VWA8: variants seen among roughly 807,000 people sequenced by gnomAD.
VWA8 encodes the protein von Willebrand factor A domain containing 8.
A neutral mutation model predicts 241.5 loss-of-function variants in VWA8; 221 were observed. The observed-to-expected ratio is 0.91, with a 90% CI of 0.82 to 1.02. The LOEUF is 1.02. VWA8 is among the 50% of genes least tolerant of loss of function. VWA8 has a pLI of 0.00. For missense variants in VWA8, 2,322 were observed against 2,328.7 expected, an observed-to-expected ratio of 1.00 and a Z score of 0.06; for synonymous variants, 852 against 827.1, an observed-to-expected ratio of 1.03 and a Z score of -0.52.
intron 39 of VWA8, among the ~76,000 whole-genome samples, chr13:41,611,044 C>G (rs901065379): frequency 5.3e-5 from 8 of 152,150 alleles, no homozygotes; most frequent in Admixed American, 1.3e-4. Flanking sequence ...TCATCCTGCC[C>G]TGGTGCCTCT....
chr13:41,685,516 C>T (rs2045130487), intron 34 of VWA8, among the ~76,000 whole-genome samples: 1 of 152,040 alleles, frequency 6.6e-6, no homozygotes, highest in African/African-American at 2.4e-5. Flanking sequence ...ATCAGCCAGA[C>T]ATCGTGGCAC....
At chr13:41,625,932 G>C (rs1446171537) in intron 37 of VWA8, among the ~76,000 whole-genome samples, 1 of 151,736 alleles carries the variant, frequency 6.6e-6, no homozygotes, top group Non-Finnish European at 1.5e-5. Flanking sequence ...GTCCTTTGTA[G>C]GGACGTGGAT....
intron 2 of VWA8, among the ~76,000 whole-genome samples, chr13:41,913,497 C>T (rs1876108751): frequency 1.3e-5 from 2 of 152,270 alleles, no homozygotes; most frequent in South Asian, 4.1e-4. Context: ...ACTGAGGTCA[C>T]GGATTAGTTC....
chr13:41,829,791 G>A (rs550657107), intron 14 of VWA8, among the ~76,000 whole-genome samples: 1 of 152,198 alleles, frequency 6.6e-6, no homozygotes, highest in African/African-American at 2.4e-5. Context: ...GGGCAGGGAA[G>A]CTTGTGGGGG....
intron 44 of VWA8, among the ~76,000 whole-genome samples, chr13:41,568,698 G>A (rs945891227): frequency 6.6e-6 from 1 of 152,138 alleles, no homozygotes; most frequent in African/African-American, 2.4e-5. Context: ...ACTGTATTTC[G>A]AAGTGCTTTT....
Position 41,943,401 on chromosome 13 carries a change from A to G in VWA8, c.241+6535T>C, listed in dbSNP as rs189330821. Among the ~76,000 whole-genome samples the G allele has an allele frequency of 3.3e-5, 5 of 152,334 alleles. No individual in the cohort carries two copies. The East Asian group carries it at 9.6e-4, about 29-fold the overall frequency. On this transcript the variant is annotated intron_variant, in intron 2 of 44. Transcript: ENST00000379310. ...TTAGAAGCAGAGATGTAATAGACCTATCCTTTTAAAACAAAGCAGAATTAT... is the reference window on the plus strand; with the variant it reads ...TTAGAAGCAGAGATGTAATAGACCTGTCCTTTTAAAACAAAGCAGAATTAT...
intron 37 of VWA8, among the ~76,000 whole-genome samples, chr13:41,660,463 C>T (rs1445578932): frequency 6.6e-6 from 1 of 152,180 alleles, no homozygotes; most frequent in Admixed American, 6.5e-5. Flanking sequence ...TTCCTCTAAA[C>T]ACTCCACAGT....
rs558605464 is a variant in VWA8, at chr13:41,691,780, C to T, written c.3740+94G>A. ...TATTAAAACATTCATAATTTGGTTA[C>T]ATTCACTTTATAGTAAACAAGTATA... is the stretch of plus-strand genomic sequence containing the variant. On this transcript the variant is annotated intron_variant, in intron 31 of 44. Transcript: ENST00000379310. 30 of 1,014,308 alleles carry T rather than the reference C, an allele frequency of 3.0e-5. No homozygotes were observed. In the African/African-American group the frequency reaches 4.4e-4, roughly 15 times the overall value. 62.8% of individuals were successfully genotyped at this position (1,014,308 alleles called of 1,614,324 possible).
intron 13 of VWA8, among the ~76,000 whole-genome samples, chr13:41,831,137 C>A (rs1871435349): frequency 6.6e-6 from 1 of 152,150 alleles, no homozygotes; most frequent in African/African-American, 2.4e-5. Context: ...CCTAACCATC[C>A]ACATCACACA....
At chr13:41,950,455 G>A (rs1450637416) in intron 1 of VWA8, among the ~76,000 whole-genome samples, 30 of 151,784 alleles carry the variant, frequency 2.0e-4, no homozygotes, top group African/African-American at 4.4e-4. Context: ...TGCAAGCTCC[G>A]CCTCCCGGGT....
intron 2 of VWA8, among the ~76,000 whole-genome samples, chr13:41,938,164 A>G (rs960098209): frequency 2.1e-5 from 3 of 141,008 alleles, no homozygotes; most frequent in Non-Finnish European, 4.5e-5. Flanking sequence ...GTCTCTTTCA[A>G]AAAAAAAAAA....
chr13:41,632,514 C>G (rs2139675273), intron 37 of VWA8, among the ~76,000 whole-genome samples: 1 of 152,266 alleles, frequency 6.6e-6, no homozygotes. Flanking sequence ...GGGATGCTAG[C>G]TGAATTAGTG....
intron 37 of VWA8, among the ~76,000 whole-genome samples, chr13:41,619,345 T>A (rs375532926): frequency 1.3e-5 from 2 of 152,190 alleles, no homozygotes; most frequent in Admixed American, 1.3e-4. Context: ...GCTGAAGTTG[T>A]TTATCAGCTT....
chr13:41,763,308 A>AATAC (rs1555332023), intron 20 of VWA8, among the ~76,000 whole-genome samples: 6 of 145,774 alleles, frequency 4.1e-5, no homozygotes, highest in Non-Finnish European at 9.2e-5. Flanking sequence ...TAAATAAATA[A>AATAC]ATAGATAGAT....
chr13:41,713,892 C>G (rs528655621), intron 26 of VWA8, among the ~76,000 whole-genome samples: 1 of 152,158 alleles, frequency 6.6e-6, no homozygotes, highest in South Asian at 2.1e-4. Context: ...TGATAACTTT[C>G]TTTCCAACAA....
chr13:41,829,665 T>C (rs1270548814), intron 14 of VWA8, among the ~76,000 whole-genome samples: 1 of 152,190 alleles, frequency 6.6e-6, no homozygotes, highest in Non-Finnish European at 1.5e-5. Context: ...GCCATTATTC[T>C]AAGTGAAGTA....
chr13:41,853,651 C>T (rs554993552), intron 12 of VWA8, among the ~76,000 whole-genome samples: 29 of 152,052 alleles, frequency 1.9e-4, no homozygotes, highest in African/African-American at 7.0e-4. Flanking sequence ...TTAAGTTATT[C>T]AGTTTGTTGA....
intron 2 of VWA8, among the ~76,000 whole-genome samples, chr13:41,946,002 G>T (rs1877832728): frequency 6.6e-6 from 1 of 151,870 alleles, no homozygotes; most frequent in Non-Finnish European, 1.5e-5. Flanking sequence ...GCTGAAGAGA[G>T]AATCTTGATA....
At chr13:41,745,086 G>A (rs1295569906) in intron 21 of VWA8, among the ~76,000 whole-genome samples, 1 of 151,806 alleles carries the variant, frequency 6.6e-6, no homozygotes, top group African/African-American at 2.4e-5. Context: ...TTATCCACCC[G>A]CCTTGGCTTC....
Sources: allele counts gnomAD v4.1 joint callset (sites outside exome capture counted in the v4.1 genomes callset), GRCh38; gene constraint gnomAD v4.1.1; transcripts MANE v1.5; gene names NCBI Gene and HGNC (gene_info 2026-07-23, HGNC 2026-07-21).